Variants in STAC observed in about 807,000 individuals in gnomAD.
STAC encodes SH3 and cysteine-rich domain-containing protein.
STAC carries 43 observed loss-of-function variants against 48.8 expected under a neutral mutation model. The ratio of observed to expected loss-of-function variants is 0.88; its 90% CI spans 0.69 to 1.14. The LOEUF (loss-of-function observed/expected upper bound fraction) is 1.14, where lower values mean the gene tolerates loss of function less well. Among genes scored for constraint, STAC ranks in the 50% most tolerant of loss-of-function variants. The probability of loss-of-function intolerance (pLI) is 0.00; values close to 1 mark genes in which losing one functional copy is unlikely to be tolerated. For synonymous variants in STAC, 193 were observed against 179.5 expected (o/e 1.07, Z -0.60); for missense variants, 497 against 504.0 (o/e 0.99, Z 0.13).
Position 36,380,544 on chromosome 3 carries a change from G to A in STAC, c.-100G>A. ...GCCTCGGCGAGGATGGGAGTCCCCA[G>A]GACCCGGAGCTGAGCAGCCTGGCGC... On this transcript the variant is annotated 5_prime_UTR_variant, in exon 1 of 11. Coordinates refer to ENST00000273183, the MANE Select transcript of STAC (RefSeq NM_003149.3). The A allele has an allele frequency of 3.2e-6, 3 of 947,922 alleles. No individual in the cohort carries two copies. The highest frequency in any genetic ancestry group is 3.3e-6 in the Non-Finnish European group (2 of 614,046). 58.7% of individuals were successfully genotyped at this position (947,922 alleles called of 1,614,324 possible).
intron 2 of STAC, among the ~76,000 whole-genome samples, chr3:36,474,109 T>C (rs915759812): frequency 1.3e-5 from 2 of 152,196 alleles, no homozygotes; most frequent in African/African-American, 2.4e-5. Flanking sequence ...TAGTGGGCTG[T>C]AGAACCTTAT....
At chr3:36,458,802 G>A (rs755986730) in intron 2 of STAC, among the ~76,000 whole-genome samples, 3 of 152,174 alleles carry the variant, frequency 2.0e-5, no homozygotes, top group Admixed American at 6.5e-5. Context: ...ACTTCAACAC[G>A]TATGTATTTG....
intron 1 of STAC, among the ~76,000 whole-genome samples, chr3:36,398,428 G>A (rs1699917245): frequency 1.3e-4 from 5 of 39,918 alleles, no homozygotes; most frequent in Non-Finnish European, 1.3e-4. Context: ...AGGAAGGAAG[G>A]AAGGAAGGAA....
At chr3:36,471,119 G>A (rs917217423) in intron 2 of STAC, among the ~76,000 whole-genome samples, 9 of 152,132 alleles carry the variant, frequency 5.9e-5, no homozygotes, top group African/African-American at 9.7e-5. Context: ...GTTCCACATG[G>A]CTGGGGAAGC....
At chr3:36,433,344 G>A (rs899946670) in intron 1 of STAC, among the ~76,000 whole-genome samples, 3 of 152,162 alleles carry the variant, frequency 2.0e-5, no homozygotes, top group Admixed American at 6.5e-5. Context: ...GTGGATGGCC[G>A]TAATCCAGCA....
At chr3:36,517,990 A>C (rs1244821005) in intron 8 of STAC, among the ~76,000 whole-genome samples, 1 of 152,178 alleles carries the variant, frequency 6.6e-6, no homozygotes, top group Non-Finnish European at 1.5e-5. Context: ...TTTTGATGAA[A>C]TTAAATCCTG....
At chr3:36,503,798 A>T (rs1698334455) in intron 6 of STAC, among the ~76,000 whole-genome samples, 2 of 152,216 alleles carry the variant, frequency 1.3e-5, no homozygotes, top group African/African-American at 4.8e-5. Flanking sequence ...TAAATACAAA[A>T]GGAAGAAAAT....
intron 1 of STAC, among the ~76,000 whole-genome samples, chr3:36,402,878 TC>T (rs144594444): frequency 0.031 from 4,727 of 152,214 alleles, 256 homozygotes; most frequent in African/African-American, 0.11. Flanking sequence ...CAGAGTCTTA[TC>T]TGCAGAGGAA....
chr3:36,469,783 T>A (rs1050303167), intron 2 of STAC, among the ~76,000 whole-genome samples: 3 of 152,110 alleles, frequency 2.0e-5, no homozygotes, highest in African/African-American at 7.2e-5. Context: ...TTTTTTATTT[T>A]TCTTTGATGG....
intron 1 of STAC, among the ~76,000 whole-genome samples, chr3:36,383,624 G>GT (rs1699559494): frequency 6.6e-6 from 1 of 152,142 alleles, no homozygotes; most frequent in African/African-American, 2.4e-5. Context: ...TATTTCAGGT[G>GT]TTTTAAGCTA....
chr3:36,517,263 C>G (rs1225090156), intron 8 of STAC, among the ~76,000 whole-genome samples: 2 of 152,116 alleles, frequency 1.3e-5, no homozygotes, highest in African/African-American at 4.8e-5. Flanking sequence ...CAGGTTCCAC[C>G]AATTACCCTT....
chr3:36,389,084 A>AT (rs1158654574), intron 1 of STAC, among the ~76,000 whole-genome samples: 3 of 152,324 alleles, frequency 2.0e-5, no homozygotes, highest in Admixed American at 6.5e-5. Flanking sequence ...AACATAGTAT[A>AT]TCTGTAGTTA....
At chr3:36,518,866 G>A (rs1698735761) in intron 8 of STAC, among the ~76,000 whole-genome samples, 1 of 152,146 alleles carries the variant, frequency 6.6e-6, no homozygotes, top group South Asian at 2.1e-4. Context: ...GCTCTTTTCT[G>A]GGAGAACCAT....
At chr3:36,533,475 G>GT (rs58981589) in intron 10 of STAC, among the ~76,000 whole-genome samples, 1,923 of 61,416 alleles carry the variant, frequency 0.031, 204 homozygotes, top group Non-Finnish European at 0.045. Context: ...TTGCTAGCAT[G>GT]TTTTTTTTTT....
intron 1 of STAC, among the ~76,000 whole-genome samples, chr3:36,417,398 G>A (rs769231344): frequency 1.3e-5 from 2 of 152,058 alleles, no homozygotes; most frequent in Non-Finnish European, 2.9e-5. Context: ...CATAGTTTAT[G>A]TTCACTCTTC....
chr3:36,534,312 C>T (rs1699144411), intron 10 of STAC, among the ~76,000 whole-genome samples: 1 of 152,126 alleles, frequency 6.6e-6, no homozygotes. Flanking sequence ...ACCACAAATG[C>T]ATAGCAGAAG....
chr3:36,514,117 C>G (rs990936918), intron 8 of STAC, among the ~76,000 whole-genome samples: 3 of 150,388 alleles, frequency 2.0e-5, no homozygotes, highest in African/African-American at 7.3e-5. Flanking sequence ...TCCCATTGCC[C>G]TGGGGTAAAA....
rs907117180 is a variant in STAC at position 36,546,363 on chromosome 3, C to T, written c.*74C>T. On this transcript the variant is annotated 3_prime_UTR_variant, in exon 11 of 11. Coordinates refer to ENST00000273183, the MANE Select transcript of STAC (RefSeq NM_003149.3). ...TCTGCCTCATCTCACACTGCGTCAA[C>T]CCAAAGGAGCTGCCGCACTGACCCA... 3.0e-6 allele frequency: 4 copies of T among 1,326,552 alleles called. No homozygotes were observed. The highest frequency in any genetic ancestry group is 2.9e-5 in the African/African-American group (2 of 69,072). 82.2% of individuals were successfully genotyped at this position (1,326,552 alleles called of 1,614,324 possible).
At chr3:36,515,101 C>G (rs1698639502) in intron 8 of STAC, among the ~76,000 whole-genome samples, 1 of 151,562 alleles carries the variant, frequency 6.6e-6, no homozygotes. Flanking sequence ...GCAAACCAAG[C>G]TGAGGGTGGT....
Sources: allele counts gnomAD v4.1 joint callset (sites outside exome capture counted in the v4.1 genomes callset), GRCh38; gene constraint gnomAD v4.1.1; transcripts MANE v1.5; gene names NCBI Gene and HGNC (gene_info 2026-07-23, HGNC 2026-07-21).